The following KATNBL1 variants were observed in gnomAD, a reference collection of about 807,000 sequenced individuals.
KATNBL1 encodes the protein KATNB1-like protein 1.
A neutral mutation model predicts 44.7 loss-of-function variants in KATNBL1; 28 were observed. The ratio of observed to expected loss-of-function variants is 0.63; its 90% confidence interval spans 0.46 to 0.86. The LOEUF (loss-of-function observed/expected upper bound fraction) is 0.86, where lower values mean the gene tolerates loss of function less well. KATNBL1 is among the 40% of genes least tolerant of loss of function. KATNBL1 has a pLI of 0.00. For synonymous variants in KATNBL1, 78 were observed against 114.9 expected (o/e 0.68, Z 2.06); for missense variants, 272 against 350.7 (o/e 0.78, Z 1.79).
At chr15:34,177,921 A>G (rs970126544) in intron 1 of KATNBL1, 1 of 152,254 alleles carries the variant, frequency 6.6e-6, no homozygotes, top group African/African-American at 2.4e-5. Context: ...AGTTACTACT[A>G]CACAGTCATT....
rs1225740529 is a variant in KATNBL1, at chr15:34,141,247, G to C, written c.*1092C>G. 1.3e-5 allele frequency: 2 copies of C among 152,540 alleles called. No homozygotes were observed. The highest frequency in any genetic ancestry group is 2.9e-5 in the Non-Finnish European group (2 of 68,000). 9.4% of individuals were successfully genotyped at this position (152,540 alleles called of 1,614,324 possible). A position where few individuals can be genotyped will look rare whatever the true frequency, so the allele number is the denominator to read the frequency against. ...TGCTAGCATATCATACTAACCATTA[G>C]AGGAGGTAGTGACACAAAGTGTTGG... On this transcript the variant is annotated 3_prime_UTR_variant, in exon 10 of 10. Transcript: ENST00000256544.
chr15:34,203,201 T>C (rs1890214088), intron 1 of KATNBL1, among the ~76,000 whole-genome samples: 1 of 152,090 alleles, frequency 6.6e-6, no homozygotes, highest in East Asian at 1.9e-4. Flanking sequence ...GGAACCATCC[T>C]CCTTCCAATT....
At chr15:34,203,015 A>C (rs1302563272) in intron 1 of KATNBL1, among the ~76,000 whole-genome samples, 2 of 151,970 alleles carry the variant, frequency 1.3e-5, no homozygotes, top group African/African-American at 4.8e-5. Context: ...AATAAATAAA[A>C]TCTCTCATCA....
intron 1 of KATNBL1, among the ~76,000 whole-genome samples, chr15:34,205,602 C>G (rs1479488070): frequency 2.0e-5 from 3 of 152,104 alleles, no homozygotes; most frequent in Non-Finnish European, 4.4e-5. Flanking sequence ...TTTGCTACTG[C>G]TGGGAGGTAT....
In KATNBL1 at chr15:34,152,875, C is replaced by T. The variant is rs1567518725; in HGVS notation, c.353G>A (p.Ser118Asn). Residue 118 changes from serine (S) to asparagine (N), a missense_variant, in exon 4 of 10, where the codon AGT (serine) becomes AAT (asparagine). Physicochemically the swap from Ser to Asn is conservative, Grantham distance 46. This residue lies in a region of KATNBL1 where 111 missense variants were observed against 149.3 expected (regional missense o/e 0.74). Coordinates refer to ENST00000256544, the MANE Select transcript of KATNBL1 (RefSeq NM_024713.3). The part of the protein sequence containing the change: ...GHLPEKLHHD[S>N]RTYLVNSSDS... ...ACTGGAGTTAACCAAATATGTTCGA[C>T]TATCATGGTGTAATTTTTCAGGCAG... 12 of 1,613,940 alleles carry T rather than the reference C, an allele frequency of 7.4e-6. No homozygotes were observed. Among genetic ancestry groups the T allele is most frequent in the East Asian group, 2.2e-5 (1 of 44,876 alleles).
Position 34,181,713 on chromosome 15 carries a change from G to T in KATNBL1, c.-14-18023C>A, listed in dbSNP as rs12900470. Among the ~76,000 whole-genome samples, 14 of 9,490 alleles carry T rather than the reference G, an allele frequency of 1.5e-3. 3 individuals are homozygous for T. The highest frequency in any genetic ancestry group is 4.5e-3 in the South Asian group (1 of 220). 6.2% of individuals were successfully genotyped at this position (9,490 alleles called of 152,430 possible). On this transcript the variant is annotated intron_variant, in intron 1 of 9. Coordinates refer to ENST00000256544, the MANE Select transcript of KATNBL1 (RefSeq NM_024713.3). ...GTCCATATATATATCCATATATATG[G>T]ACATATATATGTCCATATATACACA...
At chr15:34,160,410 A>G (rs571211379) in intron 2 of KATNBL1, among the ~76,000 whole-genome samples, 34 of 152,100 alleles carry the variant, frequency 2.2e-4, no homozygotes, top group Admixed American at 5.2e-4. Flanking sequence ...ATCTTTTGTA[A>G]TTTCTTGTTA....
intron 2 of KATNBL1, among the ~76,000 whole-genome samples, chr15:34,161,433 G>A (rs1227656977): frequency 6.6e-6 from 1 of 152,178 alleles, no homozygotes; most frequent in Non-Finnish European, 1.5e-5. Context: ...TCCCGGACTG[G>A]CCCCCAAATT....
chr15:34,158,320 C>G lies in KATNBL1; in HGVS notation c.118-3636G>C, dbSNP rs977240271. Among the ~76,000 whole-genome samples, 8 of 152,310 alleles carry G rather than the reference C, an allele frequency of 5.3e-5. No homozygotes were observed. In the East Asian group the frequency reaches 7.7e-4, roughly 15 times the overall value. Reference sequence around the variant, plus strand: ...TGGTCTGGTAACACCCATTTCTCTTCTGAATTTTCTTTGGCCCCTATTTTT... The same window carrying G: ...TGGTCTGGTAACACCCATTTCTCTTGTGAATTTTCTTTGGCCCCTATTTTT... On this transcript the variant is annotated intron_variant, in intron 2 of 9. Coordinates refer to ENST00000256544, the MANE Select transcript of KATNBL1 (RefSeq NM_024713.3).
intron 1 of KATNBL1, among the ~76,000 whole-genome samples, chr15:34,188,745 A>G (rs1889794156): frequency 6.6e-6 from 1 of 152,222 alleles, no homozygotes; most frequent in Non-Finnish European, 1.5e-5. Flanking sequence ...TTAGTCCTGG[A>G]AGTTTTCTCT....
chr15:34,154,567 G>T, intron 3 of KATNBL1, 77 bp downstream of exon 3: 1 of 874,664 alleles, frequency 1.1e-6, no homozygotes, highest in Non-Finnish European at 1.9e-6. Flanking sequence ...ATAAAAGAAT[G>T]CTTATTTTTC....
intron 1 of KATNBL1, among the ~76,000 whole-genome samples, chr15:34,194,464 A>T (rs984240693): frequency 4.6e-5 from 7 of 152,036 alleles, no homozygotes; most frequent in Admixed American, 2.6e-4. Flanking sequence ...AGAAAAAAAA[A>T]CTTTAAAAAT....
At chr15:34,166,068 A>AT (rs1466758405) in intron 1 of KATNBL1, 2 of 152,616 alleles carry the variant, frequency 1.3e-5, no homozygotes, top group African/African-American at 4.8e-5. Context: ...TACCTGGTTC[A>AT]TCTCACTGGG....
At chr15:34,208,432 G>T (rs1890349380) in intron 1 of KATNBL1, 1 of 152,190 alleles carries the variant, frequency 6.6e-6, no homozygotes, top group Non-Finnish European at 1.5e-5. Context: ...CTTACTAAGT[G>T]ATTTTGCTTT....
At chr15:34,142,584 A>C in intron 9 of KATNBL1, 1 of 458,218 alleles carries the variant, frequency 2.2e-6, no homozygotes, top group Non-Finnish European at 3.9e-6. Flanking sequence ...CTAAGTGCTA[A>C]ATGAATGTGT....
At chr15:34,162,769 C>T (rs1227357992) in intron 2 of KATNBL1, among the ~76,000 whole-genome samples, 1 of 152,008 alleles carries the variant, frequency 6.6e-6, no homozygotes, top group Non-Finnish European at 1.5e-5. Flanking sequence ...GCCACCATGC[C>T]TGGCTAGTTG....
intron 1 of KATNBL1, among the ~76,000 whole-genome samples, chr15:34,193,851 CAAAAAAAAAAAAAAAA>C (rs58951561): frequency 0.14 from 9,192 of 63,978 alleles, 688 homozygotes; most frequent in Middle Eastern, 0.25. Context: ...GGCCCTGTCT[CAAAAAAAAAAAAAAAA>C]AAAAAAAAAA....
Position 34,141,967 on chromosome 15 carries a change from T to C in KATNBL1, c.*372A>G, listed in dbSNP as rs916527578. Reference sequence around the variant, plus strand: ...AATGATGATTGGTCTTGGTGGTTCCTAGTGGTAAGTCCTGTCTTATTTTTT... The same window carrying C: ...AATGATGATTGGTCTTGGTGGTTCCCAGTGGTAAGTCCTGTCTTATTTTTT... On this transcript the variant is annotated 3_prime_UTR_variant, in exon 10 of 10. Transcript: ENST00000256544. 1.2e-5 allele frequency: 2 copies of C among 160,488 alleles called. No homozygotes were observed. Among genetic ancestry groups the C allele is most frequent in the Non-Finnish European group, 2.7e-5 (2 of 73,494 alleles). 9.9% of individuals were successfully genotyped at this position (160,488 alleles called of 1,614,324 possible).
At chr15:34,205,697 C>T (rs911312115) in intron 1 of KATNBL1, among the ~76,000 whole-genome samples, 7 of 152,180 alleles carry the variant, frequency 4.6e-5, no homozygotes, top group Non-Finnish European at 7.3e-5. Context: ...CTGCGCAGTA[C>T]TCCAACAAAT....
Sources: allele counts gnomAD v4.1 joint callset (sites outside exome capture counted in the v4.1 genomes callset), GRCh38; gene constraint gnomAD v4.1.1; regional missense constraint gnomAD v4.1.1; transcripts MANE v1.5; gene names NCBI Gene and HGNC (gene_info 2026-07-23, HGNC 2026-07-21).